ZEB1: variants seen among roughly 807,000 people sequenced by gnomAD.
ZEB1 encodes zinc finger E-box-binding homeobox 1.
A neutral mutation model predicts 84.9 loss-of-function variants in ZEB1; 21 were observed. The ratio of observed to expected loss-of-function variants is 0.25; its 90% CI spans 0.18 to 0.36. ZEB1 has a LOEUF of 0.36. Ranked by LOEUF, ZEB1 falls within the 10% of genes least tolerant of loss-of-function variation. ZEB1 has a pLI of 1.00. For missense variants in ZEB1, 1,104 were observed against 1,330.2 expected (o/e 0.83, Z 2.65); for synonymous variants, 420 against 471.1 (o/e 0.89, Z 1.41).
At chr10:31,471,437 TA>T (rs1476143341) in intron 2 of ZEB1, among the ~76,000 whole-genome samples, 2 of 151,550 alleles carry the variant, frequency 1.3e-5, no homozygotes, top group Non-Finnish European at 3.0e-5. Context: ...AAACAGACCT[TA>T]AACCAATAAA....
intron 1 of ZEB1, among the ~76,000 whole-genome samples, chr10:31,330,001 A>G (rs1182062385): frequency 1.3e-5 from 2 of 152,124 alleles, no homozygotes; most frequent in South Asian, 2.1e-4. Context: ...TTGGCTTATC[A>G]GTTTTCTTAA....
chr10:31,375,848 G>A (rs560476394), intron 1 of ZEB1, among the ~76,000 whole-genome samples: 2 of 151,880 alleles, frequency 1.3e-5, no homozygotes, highest in East Asian at 1.9e-4. Context: ...CCTTTTAAAT[G>A]TAGAAATAAA....
At chr10:31,519,124 A>C (rs1384311971) in intron 6 of ZEB1, among the ~76,000 whole-genome samples, 1 of 152,168 alleles carries the variant, frequency 6.6e-6, no homozygotes, top group Non-Finnish European at 1.5e-5. Flanking sequence ...CATCTTTGCA[A>C]CCTGTACTTT....
chr10:31,339,293 A>C (rs2038884604), intron 1 of ZEB1, among the ~76,000 whole-genome samples: 1 of 152,208 alleles, frequency 6.6e-6, no homozygotes, highest in African/African-American at 2.4e-5. Context: ...GGCAAAACAC[A>C]TGACTGTTAA....
chr10:31,419,409 T>G (rs2055770020), intron 1 of ZEB1, among the ~76,000 whole-genome samples: 1 of 152,168 alleles, frequency 6.6e-6, no homozygotes, highest in African/African-American at 2.4e-5. Context: ...TTTTGAATAG[T>G]GGAATAATAT....
At chr10:31,450,512 C>G (rs1425236520) in intron 1 of ZEB1, among the ~76,000 whole-genome samples, 1 of 151,906 alleles carries the variant, frequency 6.6e-6, no homozygotes, top group Non-Finnish European at 1.5e-5. Flanking sequence ...AAATGTTATT[C>G]TGCAAATAAT....
At chr10:31,504,591 G>T (rs1445789713) in intron 4 of ZEB1, among the ~76,000 whole-genome samples, 3 of 151,996 alleles carry the variant, frequency 2.0e-5, no homozygotes, top group Non-Finnish European at 4.4e-5. Context: ...CATGAGCATG[G>T]GATGTCTTTC....
chr10:31,428,416 G>T (rs7071330), intron 1 of ZEB1, among the ~76,000 whole-genome samples: 24,444 of 152,168 alleles, frequency 0.16, 2,545 homozygotes, highest in East Asian at 0.35. Context: ...TTGCACTGTG[G>T]TCCAAGAGAC....
chr10:31,479,835 G>C (rs2064803339), intron 2 of ZEB1, among the ~76,000 whole-genome samples: 1 of 151,842 alleles, frequency 6.6e-6, no homozygotes, highest in African/African-American at 2.4e-5. Flanking sequence ...GGACATGTTT[G>C]TTATTAAAAA....
At chr10:31,447,582 C>T (rs1366344744) in intron 1 of ZEB1, among the ~76,000 whole-genome samples, 3 of 134,802 alleles carry the variant, frequency 2.2e-5, no homozygotes, top group Non-Finnish European at 4.7e-5. Flanking sequence ...TTAGTGCTTC[C>T]TTCAGGAGCT....
rs910986574 is a variant in ZEB1, at chr10:31,408,592, A to G, written c.59-52445A>G. 8.9e-5 allele frequency among the ~76,000 whole-genome samples: 13 copies of G among 146,718 alleles called. No individual in the cohort carries two copies. The South Asian group carries it at 2.6e-3, about 29-fold the overall frequency. On this transcript the variant is annotated intron_variant, in intron 1 of 8. Coordinates refer to ENST00000424869, the MANE Select transcript of ZEB1 (RefSeq NM_001174096.2). The stretch of plus-strand genomic sequence containing the variant: ...ACAGAGCCCTCAGAAATAACGCCGC[A>G]TATCTACAACTATCTGATCTTTGAC...
chr10:31,438,749 A>G (rs1014674507), intron 1 of ZEB1, among the ~76,000 whole-genome samples: 12 of 152,250 alleles, frequency 7.9e-5, no homozygotes, highest in African/African-American at 2.9e-4. Context: ...AGACTAAGGC[A>G]CAGAGGATCG....
chr10:31,474,729 A>G (rs1179253397), intron 2 of ZEB1, among the ~76,000 whole-genome samples: 1 of 151,974 alleles, frequency 6.6e-6, no homozygotes, highest in Non-Finnish European at 1.5e-5. Flanking sequence ...CCAAAGGACT[A>G]TAAATCATGC....
chr10:31,458,220 A>G (rs1468650282), intron 1 of ZEB1, among the ~76,000 whole-genome samples: 1 of 152,140 alleles, frequency 6.6e-6, no homozygotes, highest in African/African-American at 2.4e-5. Context: ...CCAACTTAAA[A>G]TGACTTTATC....
At chr10:31,343,569 G>A (rs1300877555) in intron 1 of ZEB1, among the ~76,000 whole-genome samples, 1 of 151,814 alleles carries the variant, frequency 6.6e-6, no homozygotes, top group Non-Finnish European at 1.5e-5. Context: ...CTTTGTTTTT[G>A]TGTGTGTATG....
intron 1 of ZEB1, chr10:31,320,042 C>T (rs1023681266): frequency 3.3e-5 from 5 of 151,368 alleles, no homozygotes; most frequent in Non-Finnish European, 7.4e-5. Context: ...GCTCGCGTAA[C>T]GGGGATTAGA....
chr10:31,452,730 TGTGTGTGTGTGTGAGAGAGAGAGA>T (rs1205245764), intron 1 of ZEB1, among the ~76,000 whole-genome samples: 15 of 123,566 alleles, frequency 1.2e-4, no homozygotes, highest in African/African-American at 5.8e-4. Flanking sequence ...TGTGTGTGTG[TGTGTGTGTGTGTGAGAGAGAGAGA>T]GAGAGAGAGA....
At chr10:31,497,037 G>A (rs960257120) in intron 3 of ZEB1, among the ~76,000 whole-genome samples, 5 of 152,166 alleles carry the variant, frequency 3.3e-5, no homozygotes, top group Non-Finnish European at 5.9e-5. Flanking sequence ...ACTTCGTTCT[G>A]TGTAACTTGC....
chr10:31,319,586 G>C (rs1006653629), intron 1 of ZEB1: 6 of 397,786 alleles, frequency 1.5e-5, no homozygotes, highest in African/African-American at 1.3e-4. Flanking sequence ...CGCCGACGCC[G>C]CCGCATCCCC....
Sources: gnomAD v4.1 joint callset for allele counts (sites outside exome capture counted in the v4.1 genomes callset) on GRCh38, gnomAD v4.1.1 for gene constraint, MANE v1.5 for transcripts, NCBI Gene and HGNC (gene_info 2026-07-23, HGNC 2026-07-21) for gene names.